WWP2: variants seen among roughly 807,000 people sequenced by gnomAD.
WWP2 encodes NEDD4-like E3 ubiquitin-protein ligase WWP2.
In WWP2, 57 loss-of-function variants were observed where a neutral mutation model predicts 121.0. The ratio of observed to expected loss-of-function variants is 0.47; its 90% CI spans 0.38 to 0.59. WWP2 has a LOEUF of 0.59. Among genes scored for constraint, WWP2 ranks in the 20% least tolerant of loss-of-function variants. The probability of loss-of-function intolerance (pLI) is 0.00; values close to 1 mark genes in which losing one functional copy is unlikely to be tolerated. For synonymous variants in WWP2, 449 were observed against 441.3 expected (o/e 1.02, Z -0.22); for missense variants, 962 against 1,158.9 (o/e 0.83, Z 2.47).
chr16:69,827,764 T>C (rs2056728831), intron 4 of WWP2: 1 of 403,346 alleles, frequency 2.5e-6, no homozygotes, highest in African/African-American at 2.1e-5. Context: ...GGGCAGGGGA[T>C]TAATGGTGTG....
At position 69,787,311 on chromosome 16, in the gene WWP2, C is replaced by G. The variant is rs532980903; in HGVS notation, c.70+231C>G. Among the ~76,000 whole-genome samples the G allele has an allele frequency of 3.7e-4, 56 of 152,266 alleles. 1 individual carries two copies. The highest frequency in any genetic ancestry group is 3.4e-3 in the Middle Eastern group (1 of 294). ...ATTGTCTAAAATGGTGATTTCAGGC[C>G]AGGTGCAGTGGCTCACGCCTGTAAT... On this transcript the variant is annotated intron_variant, in intron 2 of 23. Coordinates refer to ENST00000359154, the MANE Select transcript of WWP2 (RefSeq NM_001270454.2).
chr16:69,889,312 G>A (rs746381758), intron 8 of WWP2, among the ~76,000 whole-genome samples: 1 of 152,180 alleles, frequency 6.6e-6, no homozygotes, highest in Non-Finnish European at 1.5e-5. Flanking sequence ...ACTATGAAGC[G>A]AGACCCCTGT....
chr16:69,809,790 C>CAGAGAGAG (rs139573012), intron 4 of WWP2, among the ~76,000 whole-genome samples: 1 of 138,134 alleles, frequency 7.2e-6, no homozygotes, highest in Non-Finnish European at 1.6e-5. Context: ...GAGAGAGAGA[C>CAGAGAGAG]AGAGAGAGAG....
chr16:69,832,409 C>T lies in WWP2; in HGVS notation c.341-7717C>T, dbSNP rs2056810379. Among the ~76,000 whole-genome samples, 4 of 152,222 alleles carry T rather than the reference C, an allele frequency of 2.6e-5. No homozygotes were observed. The South Asian group carries it at 6.2e-4, about 24-fold the overall frequency. On this transcript the variant is annotated intron_variant, in intron 4 of 23. Transcript: ENST00000359154. ...AGTGTATTTCTCTAAAAGATAAGAA[C>T]TCTTAAAAACCCAACCCATGATGCC...
At chr16:69,828,353 A>G (rs1328850603) in intron 4 of WWP2, among the ~76,000 whole-genome samples, 4 of 151,856 alleles carry the variant, frequency 2.6e-5, no homozygotes, top group African/African-American at 4.8e-5. Flanking sequence ...CAAGGTCATC[A>G]TCTATTATTA....
At chr16:69,815,517 G>A (rs1464137203) in intron 4 of WWP2, among the ~76,000 whole-genome samples, 1 of 151,704 alleles carries the variant, frequency 6.6e-6, no homozygotes. Flanking sequence ...GGCAGGGGCT[G>A]GGCACGGTGC....
intron 4 of WWP2, among the ~76,000 whole-genome samples, chr16:69,833,223 C>G (rs2151861391): frequency 6.6e-6 from 1 of 152,354 alleles, no homozygotes. Context: ...TTCAGTCTCT[C>G]TTAACTTAGA....
rs756464928 is a variant in WWP2, at chr16:69,937,516, T to C, written c.2239-32T>C. 4 of 1,610,640 alleles carry C rather than the reference T, an allele frequency of 2.5e-6. No homozygotes were observed. The highest frequency in any genetic ancestry group is 1.1e-5 in the South Asian group (1 of 90,966). ...AGTGGACGATGCGCGGGGAGGGACC[T>C]GCCGGGGATGCTGACTGCCGCCTCT... On this transcript the variant is annotated intron_variant, in intron 20 of 23. Transcript: ENST00000359154. The surrounding 1 kb of genome is among the most constrained non-coding windows in gnomAD (Gnocchi z 6.6).
chr16:69,864,368 T>C (rs2057480628), intron 6 of WWP2, among the ~76,000 whole-genome samples: 1 of 151,944 alleles, frequency 6.6e-6, no homozygotes, highest in Non-Finnish European at 1.5e-5. Context: ...TCTGAAAATA[T>C]TAATTTTTAA....
chr16:69,830,354 G>A (rs1438302610), intron 4 of WWP2, among the ~76,000 whole-genome samples: 1 of 152,164 alleles, frequency 6.6e-6, no homozygotes, highest in Non-Finnish European at 1.5e-5. Context: ...CTCCCAAAGT[G>A]TTGGGATTAC....
intron 6 of WWP2, among the ~76,000 whole-genome samples, chr16:69,858,180 G>A (rs2086468477): frequency 6.6e-6 from 1 of 152,072 alleles, no homozygotes; most frequent in Non-Finnish European, 1.5e-5. Flanking sequence ...GAAAAAGGAT[G>A]ATGAATTGGA....
At chr16:69,927,234 G>T (rs1481860202) in intron 11 of WWP2, among the ~76,000 whole-genome samples, 1 of 152,046 alleles carries the variant, frequency 6.6e-6, no homozygotes, top group South Asian at 2.1e-4. Flanking sequence ...TGTGGCTGGG[G>T]CCGGCTCCCC....
chr16:69,937,027 G>A lies in WWP2; in HGVS notation c.2118-91G>A, dbSNP rs1163494351. 5 of 1,513,750 alleles carry A rather than the reference G, an allele frequency of 3.3e-6. No individual in the cohort carries two copies. In the Admixed American group the frequency reaches 5.9e-5, roughly 18 times the overall value. The allele number at this position is 1,513,750 out of a possible 1,614,324, so 93.8% of individuals were successfully genotyped here. A position where few individuals can be genotyped will look rare whatever the true frequency, so the allele number is the denominator to read the frequency against. On this transcript the variant is annotated intron_variant, in intron 19 of 23. Coordinates refer to ENST00000359154, the MANE Select transcript of WWP2 (RefSeq NM_001270454.2). The surrounding 1 kb of genome is among the most constrained non-coding windows in gnomAD (Gnocchi z 6.6). ...CGAAGTGGGCTCTGCTGATCTGGTG[G>A]TCCTGCGCGGTAACGGCCACGCGGC...
Position 69,908,741 on chromosome 16 carries a change from C to G in WWP2, c.915-20C>G, listed in dbSNP as rs1234514241. The G allele has an allele frequency of 6.2e-7, 1 of 1,613,924 alleles. No homozygotes were observed. The highest frequency in any genetic ancestry group is 2.2e-5 in the East Asian group (1 of 44,876). On this transcript the variant is annotated intron_variant, in intron 8 of 23. Coordinates refer to ENST00000359154, the MANE Select transcript of WWP2 (RefSeq NM_001270454.2). ...CCTTTCCACTGTGTGTCTCATGCTACCCTTGACTTTATTTTTCAGATGGGA... is the reference window on the plus strand; with the variant it reads ...CCTTTCCACTGTGTGTCTCATGCTAGCCTTGACTTTATTTTTCAGATGGGA...
intron 4 of WWP2, among the ~76,000 whole-genome samples, chr16:69,827,304 A>G (rs1362658047): frequency 6.6e-6 from 1 of 151,598 alleles, no homozygotes; most frequent in African/African-American, 2.4e-5. Flanking sequence ...GATTTTAGTA[A>G]TAGGGTGCAT....
At chr16:69,919,523 T>C (rs1330709386) in intron 10 of WWP2, among the ~76,000 whole-genome samples, 1 of 152,174 alleles carries the variant, frequency 6.6e-6, no homozygotes, top group African/African-American at 2.4e-5. Flanking sequence ...ACTAACTGCC[T>C]AAACAGTCTC....
chr16:69,819,699 A>T (rs1393447862), intron 4 of WWP2, among the ~76,000 whole-genome samples: 1 of 152,074 alleles, frequency 6.6e-6, no homozygotes, highest in African/African-American at 2.4e-5. Flanking sequence ...GAGCCACTGT[A>T]CCTGGTCATG....
chr16:69,857,903 C>T (rs907927966), intron 6 of WWP2, among the ~76,000 whole-genome samples: 1 of 151,952 alleles, frequency 6.6e-6, no homozygotes, highest in Non-Finnish European at 1.5e-5. Context: ...TTTCCTCAGC[C>T]TCCCAAAGTG....
At chr16:69,909,086 G>A in intron 9 of WWP2, 2 of 1,301,354 alleles carry the variant, frequency 1.5e-6, no homozygotes. Flanking sequence ...AAGATTTAGA[G>A]TGTTGATGCA....
Sources: gnomAD v4.1 joint callset for allele counts (sites outside exome capture counted in the v4.1 genomes callset) on GRCh38, gnomAD v4.1.1 for gene constraint, Gnocchi (gnomAD v3.1) non-coding constraint, MANE v1.5 for transcripts, NCBI Gene and HGNC (gene_info 2026-07-23, HGNC 2026-07-21) for gene names.